The following BMPR1B variants were observed in gnomAD, a reference collection of about 807,000 sequenced individuals.
BMPR1B encodes the protein bone morphogenetic protein receptor type 1B, also known as bone morphogenetic protein receptor type-1B.
BMPR1B carries 12 observed loss-of-function variants against 59.1 expected under a neutral mutation model. The observed-to-expected ratio is 0.20, with a 90% CI of 0.13 to 0.33. The LOEUF is 0.33. Among genes scored for constraint, BMPR1B ranks in the 10% least tolerant of loss-of-function variants. BMPR1B has a pLI of 1.00. For missense variants in BMPR1B, 550 were observed against 610.9 expected, an observed-to-expected ratio of 0.90 and a Z score of 1.05; for synonymous variants, 237 against 207.3, an observed-to-expected ratio of 1.14 and a Z score of -1.23.
At chr4:94,821,410 T>A (rs949572621) in intron 1 of BMPR1B, among the ~76,000 whole-genome samples, 3 of 152,146 alleles carry the variant, frequency 2.0e-5, no homozygotes, top group Non-Finnish European at 4.4e-5. Context: ...AGAATTTAGC[T>A]AGAGCATATA....
At chr4:94,779,645 A>G (rs780301091) in intron 1 of BMPR1B, among the ~76,000 whole-genome samples, 1 of 152,164 alleles carries the variant, frequency 6.6e-6, no homozygotes, top group Non-Finnish European at 1.5e-5. Context: ...AGCCTGGCCA[A>G]CATGGTGAAA....
chr4:95,061,712 C>G (rs4699408), intron 3 of BMPR1B, among the ~76,000 whole-genome samples: 33,452 of 152,004 alleles, frequency 0.22, 4,118 homozygotes, highest in East Asian at 0.43. Flanking sequence ...AGTTCTAGTT[C>G]TTTAGGAATT....
chr4:95,082,360 C>A (rs1180328019), intron 3 of BMPR1B, among the ~76,000 whole-genome samples: 3 of 151,912 alleles, frequency 2.0e-5, no homozygotes, highest in African/African-American at 7.3e-5. Context: ...TTTTAAAAGT[C>A]GCAGAGCACA....
At chr4:94,874,474 A>G (rs1246880401) in intron 1 of BMPR1B, among the ~76,000 whole-genome samples, 2 of 152,162 alleles carry the variant, frequency 1.3e-5, no homozygotes, top group African/African-American at 4.8e-5. Flanking sequence ...TTTGGAAAAT[A>G]TGGAAATCAT....
chr4:94,983,882 G>C (rs1045632781), intron 2 of BMPR1B, among the ~76,000 whole-genome samples: 1 of 152,186 alleles, frequency 6.6e-6, no homozygotes, highest in Admixed American at 6.5e-5. Flanking sequence ...GCCTCACTGG[G>C]AACAGGGATT....
At chr4:95,086,451 A>G (rs1257164388) in intron 3 of BMPR1B, among the ~76,000 whole-genome samples, 2 of 152,188 alleles carry the variant, frequency 1.3e-5, no homozygotes, top group Non-Finnish European at 1.5e-5. Flanking sequence ...CTGATAACCT[A>G]ACATTTAATT....
chr4:95,003,883 A>G (rs527575782), intron 3 of BMPR1B, among the ~76,000 whole-genome samples: 37 of 136,950 alleles, frequency 2.7e-4, no homozygotes, highest in East Asian at 2.2e-3. Flanking sequence ...TCTCAGCTCA[A>G]TACAACCTCC....
At chr4:95,144,012 T>C (rs2149319782) in intron 10 of BMPR1B, among the ~76,000 whole-genome samples, 1 of 152,196 alleles carries the variant, frequency 6.6e-6, no homozygotes, top group South Asian at 2.1e-4. Context: ...TTTTTTTTTT[T>C]TTTTACCCCT....
intron 1 of BMPR1B, among the ~76,000 whole-genome samples, chr4:94,843,213 A>G (rs1725167613): frequency 6.6e-6 from 1 of 152,210 alleles, no homozygotes; most frequent in Admixed American, 6.5e-5. Context: ...TCTTAACTAC[A>G]CATGGTATGG....
intron 1 of BMPR1B, among the ~76,000 whole-genome samples, chr4:94,837,696 A>T (rs1161869199): frequency 7.4e-6 from 1 of 135,742 alleles, no homozygotes; most frequent in African/African-American, 2.8e-5. Context: ...CAATCATGTC[A>T]TCTGCAAAGA....
chr4:95,055,889 G>GT (rs1726893130), intron 3 of BMPR1B, among the ~76,000 whole-genome samples: 1 of 152,106 alleles, frequency 6.6e-6, no homozygotes, highest in South Asian at 2.1e-4. Flanking sequence ...ACTCAAATTA[G>GT]TTTCTTTTTT....
chr4:95,109,182 T>A (rs191237645), intron 4 of BMPR1B, among the ~76,000 whole-genome samples: 37 of 152,260 alleles, frequency 2.4e-4, no homozygotes, highest in African/African-American at 8.4e-4. Context: ...TCAAAGACAA[T>A]CTTTAATACT....
intron 10 of BMPR1B, among the ~76,000 whole-genome samples, chr4:95,136,928 T>A (rs1163928053): frequency 6.6e-6 from 1 of 152,216 alleles, no homozygotes; most frequent in Non-Finnish European, 1.5e-5. Context: ...TGCTCTGATC[T>A]TAGTTATTTC....
At chr4:94,996,877 A>G (rs1362029368) in intron 3 of BMPR1B, among the ~76,000 whole-genome samples, 2 of 152,182 alleles carry the variant, frequency 1.3e-5, no homozygotes, top group Non-Finnish European at 2.9e-5. Flanking sequence ...CACTTTAAAT[A>G]TGTTTCTGTG....
Position 94,959,979 on chromosome 4 carries a change from T to TA in BMPR1B, c.-112-36057dup, listed in dbSNP as rs547808321. Among the ~76,000 whole-genome samples, 367 of 152,290 alleles carry TA rather than the reference T, an allele frequency of 2.4e-3. 2 individuals are homozygous for TA. The highest frequency in any genetic ancestry group is 4.2e-3 in the Non-Finnish European group (284 of 67,998). ...TGTTTTCAGTGTCAAAGTAAAGGCA[T>TA]AAAATCCTTTGAATTATTGTTTAAA... On this transcript the variant is annotated intron_variant, in intron 2 of 12. Transcript: ENST00000515059.
chr4:95,105,475 CT>C lies in BMPR1B; in HGVS notation c.143+919del, dbSNP rs879483715. 5.2e-3 allele frequency among the ~76,000 whole-genome samples: 751 copies of C among 145,790 alleles called. 5 individuals carry two copies. Among genetic ancestry groups the C allele is most frequent in the Middle Eastern group, 0.018 (5 of 278 alleles). On this transcript the variant is annotated intron_variant, in intron 4 of 12. Coordinates refer to ENST00000515059, the MANE Select transcript of BMPR1B (RefSeq NM_001203.3). ...AAGGTACGCAAAGCTGAGTTGAATG[CT>C]TTTTTTTTTTCCTTTCTGAGAGCTT...
chr4:95,072,269 T>C (rs1219656682), intron 3 of BMPR1B, among the ~76,000 whole-genome samples: 2 of 152,172 alleles, frequency 1.3e-5, no homozygotes, highest in African/African-American at 4.8e-5. Flanking sequence ...ACCCAGTCTA[T>C]AGATTTCAAT....
intron 6 of BMPR1B, among the ~76,000 whole-genome samples, chr4:95,120,575 G>C (rs1334957291): frequency 6.8e-6 from 1 of 147,958 alleles, no homozygotes; most frequent in African/African-American, 2.5e-5. Flanking sequence ...TAAGGATACA[G>C]AATGAATATA....
intron 6 of BMPR1B, among the ~76,000 whole-genome samples, 192 bp downstream of exon 6, chr4:95,115,979 C>T (rs1245345311): frequency 5.3e-5 from 8 of 152,146 alleles, no homozygotes; most frequent in Non-Finnish European, 1.5e-5. Flanking sequence ...TCATATGTGA[C>T]TTCACTTTTA....
Sources: gnomAD v4.1 joint callset for allele counts (sites outside exome capture counted in the v4.1 genomes callset) on GRCh38, gnomAD v4.1.1 for gene constraint, MANE v1.5 for transcripts, NCBI Gene and HGNC (gene_info 2026-07-23, HGNC 2026-07-21) for gene names.